Variants in ELAPOR1 observed in about 807,000 individuals in gnomAD.
ELAPOR1 encodes the protein endosome-lysosome associated apoptosis and autophagy regulator 1.
ELAPOR1 carries 77 observed loss-of-function variants against 119.7 expected under a neutral mutation model. The observed-to-expected ratio is 0.64, with a 90% confidence interval of 0.54 to 0.78. The LOEUF (loss-of-function observed/expected upper bound fraction) is 0.78, where lower values mean the gene tolerates loss of function less well. ELAPOR1 is among the 30% of genes least tolerant of loss of function. ELAPOR1 has a pLI of 0.00. For missense variants in ELAPOR1, 1,115 were observed against 1,270.4 expected, an observed-to-expected ratio of 0.88 and a Z score of 1.86; for synonymous variants, 481 against 487.2, an observed-to-expected ratio of 0.99 and a Z score of 0.17.
At chr1:109,185,449 G>A (rs1333086209) in intron 8 of ELAPOR1, among the ~76,000 whole-genome samples, 13 of 152,166 alleles carry the variant, frequency 8.5e-5, no homozygotes, top group Admixed American at 1.3e-4. Context: ...CTGCCTGTCC[G>A]TACACAATGT....
chr1:109,201,196 G>A (rs1654153972), intron 21 of ELAPOR1: 2 of 492,320 alleles, frequency 4.1e-6, no homozygotes, highest in South Asian at 1.8e-5. Context: ...AACCATCTAT[G>A]TTGTAAGAAT....
intron 7 of ELAPOR1, 55 bp downstream of exon 7, chr1:109,173,892 A>C: frequency 6.3e-7 from 1 of 1,575,340 alleles, no homozygotes; most frequent in East Asian, 2.2e-5. Context: ...ACCAAAACAC[A>C]CAAGGAGATA....
Position 109,114,344 on chromosome 1 carries a change from C to T in ELAPOR1, c.153+8C>T, listed in dbSNP as rs762556104. 1.3e-6 allele frequency: 2 copies of T among 1,575,602 alleles called. No individual in the cohort carries two copies. Among genetic ancestry groups the T allele is most frequent in the South Asian group, 2.3e-5 (2 of 86,114 alleles). On this transcript the variant is annotated splice_region_variant and intron_variant, in intron 1 of 21. Transcript: ENST00000369939. ...CTTCATGCCTGCAAAGAGGTACTGC[C>T]GCCCCCCTACCCGATCCCGCTTTGG...
chr1:109,158,289 C>T (rs1442730983), intron 1 of ELAPOR1, among the ~76,000 whole-genome samples: 1 of 150,576 alleles, frequency 6.6e-6, no homozygotes. Context: ...ATCCAGATAC[C>T]ATCCTGACTT....
intron 14 of ELAPOR1, 54 bp from the exon 15 acceptor site, chr1:109,194,367 G>A: frequency 1.3e-6 from 2 of 1,528,776 alleles, no homozygotes; most frequent in Non-Finnish European, 9.0e-7. Flanking sequence ...CTTGGCTGCA[G>A]GCCCTCAAGG....
chr1:109,173,662 T>C, intron 6 of ELAPOR1, 26 bp from the exon 7 acceptor site: 1 of 1,613,580 alleles, frequency 6.2e-7, no homozygotes, highest in Non-Finnish European at 8.5e-7. Flanking sequence ...GAATCCTTGC[T>C]TTTCTGTGCT....
intron 8 of ELAPOR1, chr1:109,187,523 C>G (rs182631304): frequency 1.0e-6 from 1 of 1,001,006 alleles, no homozygotes; most frequent in Non-Finnish European, 1.2e-6. Context: ...TATAAGGGCA[C>G]GTTTTTGTCT....
chr1:109,142,132 T>C (rs1422582331), intron 1 of ELAPOR1, among the ~76,000 whole-genome samples: 1 of 151,940 alleles, frequency 6.6e-6, no homozygotes, highest in Non-Finnish European at 1.5e-5. Context: ...TAAAAGACAA[T>C]TGAAACTGTG....
At chr1:109,188,720 G>A (rs1405130460) in intron 9 of ELAPOR1, among the ~76,000 whole-genome samples, 1 of 152,132 alleles carries the variant, frequency 6.6e-6, no homozygotes, top group South Asian at 2.1e-4. Flanking sequence ...TGCTGCCTTG[G>A]GGGGATTTGA....
At chr1:109,138,676 C>T (rs371131095) in intron 1 of ELAPOR1, among the ~76,000 whole-genome samples, 29 of 151,770 alleles carry the variant, frequency 1.9e-4, no homozygotes, top group South Asian at 6.2e-4. Context: ...AACCCAATGA[C>T]GGTGTCAGGT....
intron 6 of ELAPOR1, 30 bp downstream of exon 6, chr1:109,173,609 G>C (rs202058878): frequency 6.2e-7 from 1 of 1,613,224 alleles, no homozygotes. Flanking sequence ...TGACTTCCTG[G>C]GCTGTTGACT....
intron 2 of ELAPOR1, among the ~76,000 whole-genome samples, chr1:109,162,736 G>A (rs1393457158): frequency 6.6e-6 from 1 of 152,248 alleles, no homozygotes; most frequent in African/African-American, 2.4e-5. Flanking sequence ...GCCTGGTTGA[G>A]TAAGTGAGCA....
At chr1:109,195,895 G>A (rs139936055) in intron 15 of ELAPOR1, among the ~76,000 whole-genome samples, 3 of 152,156 alleles carry the variant, frequency 2.0e-5, no homozygotes, top group Non-Finnish European at 4.4e-5. Flanking sequence ...GGTGGCTCAC[G>A]CCTGTAATCC....
rs532054242 is a variant in ELAPOR1 at position 109,177,503 on chromosome 1, G to T, written c.952+3666G>T. ...TCCTCACTTCCCAGATGGGATGGCG[G>T]CCGGGAAGAGGCGCTCCTCACTTCC... On this transcript the variant is annotated intron_variant, in intron 7 of 21. Coordinates refer to ENST00000369939, the MANE Select transcript of ELAPOR1 (RefSeq NM_020775.5). Among the ~76,000 whole-genome samples the T allele has an allele frequency of 5.2e-5, 6 of 114,328 alleles. No individual in the cohort carries two copies. The East Asian group carries it at 1.7e-3, about 32-fold the overall frequency. 75.0% of individuals were successfully genotyped at this position (114,328 alleles called of 152,430 possible). A position where few individuals can be genotyped will look rare whatever the true frequency, so the allele number is the denominator to read the frequency against.
intron 21 of ELAPOR1, chr1:109,201,321 G>T (rs768743643): frequency 8.8e-6 from 4 of 457,020 alleles, no homozygotes; most frequent in Non-Finnish European, 1.8e-5. Context: ...TCTTCCAGGT[G>T]TCTGGGTCCA....
intron 7 of ELAPOR1, among the ~76,000 whole-genome samples, chr1:109,180,375 C>T (rs1317973007): frequency 6.6e-6 from 1 of 152,106 alleles, no homozygotes; most frequent in Non-Finnish European, 1.5e-5. Flanking sequence ...GGCACAGTGG[C>T]TATTGCTTGT....
chr1:109,186,756 T>A, intron 8 of ELAPOR1: 1 of 985,596 alleles, frequency 1.0e-6, no homozygotes, highest in Non-Finnish European at 1.2e-6. Context: ...TGTGACTGAA[T>A]GTGGCTGTCT....
intron 1 of ELAPOR1, among the ~76,000 whole-genome samples, chr1:109,115,361 T>C (rs1313622255): frequency 6.6e-6 from 1 of 152,216 alleles, no homozygotes; most frequent in Admixed American, 6.5e-5. Context: ...CATCTAGCTC[T>C]GTAAATTTAA....
intron 1 of ELAPOR1, among the ~76,000 whole-genome samples, chr1:109,147,083 T>G (rs569142643): frequency 2.5e-4 from 38 of 151,128 alleles, no homozygotes; most frequent in African/African-American, 9.2e-4. Context: ...TTTTTTTTTT[T>G]TTTTGTATTT....
Sources: allele counts gnomAD v4.1 joint callset (sites outside exome capture counted in the v4.1 genomes callset), GRCh38; gene constraint gnomAD v4.1.1; transcripts MANE v1.5; gene names NCBI Gene and HGNC (gene_info 2026-07-23, HGNC 2026-07-21).